The following DNAH14 variants were observed in gnomAD, a reference collection of about 807,000 sequenced individuals.
DNAH14 encodes the protein dynein axonemal heavy chain 14, also known as axonemal beta dynein heavy chain 14.
DNAH14 carries 478 observed loss-of-function variants against 520.9 expected under a neutral mutation model. That is an observed-to-expected ratio of 0.92 (90% CI 0.85 to 0.99). The LOEUF (loss-of-function observed/expected upper bound fraction) is 0.99, where lower values mean the gene tolerates loss of function less well. DNAH14 is among the 50% of genes least tolerant of loss of function. DNAH14 has a pLI of 0.00. For synonymous variants in DNAH14, 1,581 were observed against 1,757.2 expected (o/e 0.90, Z 2.51); for missense variants, 4,831 against 5,234.5 (o/e 0.92, Z 2.38).
chr1:225,337,374 C>G lies in DNAH14; in HGVS notation c.10189C>G (p.Gln3397Glu). 1 of 1,551,660 alleles carries G rather than the reference C, an allele frequency of 6.4e-7. No homozygotes were observed. The highest frequency in any genetic ancestry group is 8.7e-7 in the Non-Finnish European group (1 of 1,146,976). Residue 3397 changes from glutamine (Q) to glutamate (E), a missense_variant, in exon 67 of 86, where the codon CAA (glutamine) becomes GAA (glutamate). Transcript: ENST00000682510. ...QWPLLIDPHR[Q>E]AHKWIRQMEG... ...GCCACTGCTGATTGACCCACATAGG[C>G]AAGCTCACAAATGGATCCGTCAGAT...
intron 11 of DNAH14, among the ~76,000 whole-genome samples, chr1:225,034,956 A>G (rs1171621774): frequency 1.3e-5 from 2 of 151,870 alleles, no homozygotes; most frequent in African/African-American, 4.8e-5. Context: ...TATTTGGATC[A>G]TCTCTCTTTT....
At chr1:225,166,650 A>T (rs996100050) in intron 35 of DNAH14, among the ~76,000 whole-genome samples, 6 of 152,200 alleles carry the variant, frequency 3.9e-5, no homozygotes, top group Admixed American at 3.3e-4. Flanking sequence ...GAGATACAAG[A>T]ATCTGAATCA....
Position 225,290,091 on chromosome 1 carries a change from T to G in DNAH14, c.8469+9T>G, listed in dbSNP as rs12042900. On this transcript the variant is annotated intron_variant, in intron 55 of 85. Transcript: ENST00000682510. The stretch of plus-strand genomic sequence containing the variant: ...ATTTAAACATAGAACAAGTAAGTAC[T>G]TTTTGTCTTTGCTATTTGCTGAAGT... 0.36 allele frequency: 497,519 copies of G among 1,393,896 alleles called. 91,842 individuals are homozygous for G. Among genetic ancestry groups the G allele is most frequent in the East Asian group, 0.47 (17,628 of 37,370 alleles). The allele number at this position is 1,393,896 out of a possible 1,614,324, so 86.3% of individuals were successfully genotyped here. A position where few individuals can be genotyped will look rare whatever the true frequency, so the allele number is the denominator to read the frequency against.
intron 75 of DNAH14, among the ~76,000 whole-genome samples, chr1:225,362,118 A>G (rs1480407599): frequency 6.6e-6 from 1 of 152,244 alleles, no homozygotes; most frequent in Non-Finnish European, 1.5e-5. Context: ...AGCTTTCCAG[A>G]GGATACTAAG....
intron 27 of DNAH14, among the ~76,000 whole-genome samples, chr1:225,135,456 G>T (rs2078866896): frequency 6.6e-6 from 1 of 152,144 alleles, no homozygotes. Context: ...CTATGTAGTT[G>T]TATGGTTTTG....
chr1:225,238,685 C>T (rs1468651589), intron 42 of DNAH14, among the ~76,000 whole-genome samples: 1 of 152,138 alleles, frequency 6.6e-6, no homozygotes, highest in Non-Finnish European at 1.5e-5. Flanking sequence ...TTTCCCAGAC[C>T]ACCTGGACTC....
At chr1:225,128,495 T>A (rs1157515121) in intron 27 of DNAH14, among the ~76,000 whole-genome samples, 1 of 152,116 alleles carries the variant, frequency 6.6e-6, no homozygotes, top group South Asian at 2.1e-4. Flanking sequence ...ATGCCTGGGA[T>A]GCAAGGCTGG....
chr1:225,336,933 C>T (rs1391636535), intron 66 of DNAH14, among the ~76,000 whole-genome samples: 1 of 152,098 alleles, frequency 6.6e-6, no homozygotes, highest in African/African-American at 2.4e-5. Context: ...TTTGTATATT[C>T]TATTTGTATA....
At chr1:225,217,905 C>A (rs950132984) in intron 41 of DNAH14, among the ~76,000 whole-genome samples, 1 of 152,082 alleles carries the variant, frequency 6.6e-6, no homozygotes, top group Non-Finnish European at 1.5e-5. Context: ...TCTGCCAAGC[C>A]CCAGTGAGAT....
intron 1 of DNAH14, among the ~76,000 whole-genome samples, chr1:224,933,349 A>G (rs530020662): frequency 2.6e-5 from 4 of 152,228 alleles, no homozygotes; most frequent in Admixed American, 2.0e-4. Context: ...GTATTTCTAG[A>G]TATAAAATCA....
At chr1:225,252,772 TAAAAA>T (rs1393726794) in intron 44 of DNAH14, among the ~76,000 whole-genome samples, 20 of 152,234 alleles carry the variant, frequency 1.3e-4, no homozygotes, top group African/African-American at 4.8e-4. Context: ...AACATATATG[TAAAAA>T]CTTACACTTA....
chr1:225,286,755 C>A (rs2149967510), intron 54 of DNAH14, among the ~76,000 whole-genome samples: 1 of 152,240 alleles, frequency 6.6e-6, no homozygotes, highest in East Asian at 1.9e-4. Flanking sequence ...AAAACTTACG[C>A]CCACATAAAA....
At chr1:224,996,936 T>C (rs1220282569) in intron 8 of DNAH14, among the ~76,000 whole-genome samples, 1 of 152,102 alleles carries the variant, frequency 6.6e-6, no homozygotes, top group African/African-American at 2.4e-5. Flanking sequence ...TATTGCGCTG[T>C]GGTGGGTATT....
chr1:225,194,429 G>A (rs1447089725), intron 38 of DNAH14, among the ~76,000 whole-genome samples: 2 of 152,008 alleles, frequency 1.3e-5, no homozygotes, highest in East Asian at 1.9e-4. Context: ...ATAAGCAGTG[G>A]CAAAAGGACT....
chr1:225,229,206 A>G (rs2090856242), intron 41 of DNAH14, among the ~76,000 whole-genome samples: 1 of 152,206 alleles, frequency 6.6e-6, no homozygotes, highest in Non-Finnish European at 1.5e-5. Flanking sequence ...CAGTCAGGCA[A>G]AATACCCGTG....
intron 45 of DNAH14, among the ~76,000 whole-genome samples, chr1:225,258,372 A>T (rs1371041666): frequency 6.6e-6 from 1 of 152,194 alleles, no homozygotes; most frequent in Non-Finnish European, 1.5e-5. Flanking sequence ...CTATTATATT[A>T]ATAATATATG....
At chr1:224,975,108 T>C (rs1475642474) in intron 8 of DNAH14, among the ~76,000 whole-genome samples, 1 of 151,892 alleles carries the variant, frequency 6.6e-6, no homozygotes, top group Non-Finnish European at 1.5e-5. Flanking sequence ...CTTTTTGATG[T>C]GCTGCTGGAT....
chr1:225,289,905 G>A lies in DNAH14; in HGVS notation c.8292G>A (p.Gly2764=), dbSNP rs2093827590. Residue 2764 remains glycine, a synonymous_variant, in exon 55 of 86, where the codon GGG becomes GGA. Coordinates refer to ENST00000682510, the MANE Select transcript of DNAH14 (RefSeq NM_001367479.1). ...CAAAGATTGGAATAGATGGATGTGGGAAAAAAACATGTGCAACCTTGGCCT... is the reference window on the plus strand; with the variant it reads ...CAAAGATTGGAATAGATGGATGTGGAAAAAAAACATGTGCAACCTTGGCCT... ...HMLLIGIDGC[G]KKTCATLACY... The A allele has an allele frequency of 4.9e-6, 7 of 1,428,490 alleles. No homozygotes were observed. Among genetic ancestry groups the A allele is most frequent in the Non-Finnish European group, 6.5e-6 (7 of 1,081,230 alleles). The allele number at this position is 1,428,490 out of a possible 1,614,324, so 88.5% of individuals were successfully genotyped here.
intron 8 of DNAH14, among the ~76,000 whole-genome samples, chr1:224,974,620 T>C (rs1453643012): frequency 6.6e-6 from 1 of 152,216 alleles, no homozygotes; most frequent in Non-Finnish European, 1.5e-5. Context: ...CTACAGTCTA[T>C]GATGACAGCC....
Sources: gnomAD v4.1 joint callset for allele counts (sites outside exome capture counted in the v4.1 genomes callset) on GRCh38, gnomAD v4.1.1 for gene constraint, MANE v1.5 for transcripts, NCBI Gene and HGNC (gene_info 2026-07-23, HGNC 2026-07-21) for gene names.